The following RBM47 variants were observed in gnomAD, a reference collection of about 807,000 sequenced individuals.
The protein encoded by RBM47 is RNA binding motif protein 47, also known as RNA-binding protein 47.
Under a neutral mutation model 47.1 loss-of-function variants are expected in RBM47, and 21 were observed. The ratio of observed to expected loss-of-function variants is 0.45; its 90% confidence interval spans 0.32 to 0.64. The LOEUF (loss-of-function observed/expected upper bound fraction) is 0.64, where lower values mean the gene tolerates loss of function less well. Ranked by LOEUF, RBM47 falls within the 30% of genes least tolerant of loss-of-function variation. RBM47 has a pLI of 0.05. For synonymous variants in RBM47, 375 were observed against 361.7 expected, an observed-to-expected ratio of 1.04 and a Z score of -0.42; for missense variants, 708 against 870.9, an observed-to-expected ratio of 0.81 and a Z score of 2.35.
At chr4:40,482,446 G>A (rs1273360227) in intron 2 of RBM47, among the ~76,000 whole-genome samples, 1 of 151,884 alleles carries the variant, frequency 6.6e-6, no homozygotes, top group East Asian at 1.9e-4. Context: ...TAGAGGTGGG[G>A]TTTCACCATG....
At chr4:40,554,434 TG>T (rs1729880983) in intron 1 of RBM47, among the ~76,000 whole-genome samples, 1 of 147,736 alleles carries the variant, frequency 6.8e-6, no homozygotes, top group African/African-American at 2.5e-5. Flanking sequence ...AGACAAAAGC[TG>T]GTGGGCTGGC....
intron 1 of RBM47, among the ~76,000 whole-genome samples, chr4:40,596,032 C>G (rs1734726284): frequency 6.6e-6 from 1 of 152,178 alleles, no homozygotes; most frequent in South Asian, 2.1e-4. Context: ...AGCTAGCATT[C>G]TAAGCCACAG....
chr4:40,504,768 C>T (rs1435322228), intron 2 of RBM47, among the ~76,000 whole-genome samples: 1 of 152,174 alleles, frequency 6.6e-6, no homozygotes, highest in Non-Finnish European at 1.5e-5. Context: ...GAAAGTCCCA[C>T]CCACCAAAAA....
chr4:40,577,717 G>A (rs1732476988), intron 1 of RBM47, among the ~76,000 whole-genome samples: 1 of 149,798 alleles, frequency 6.7e-6, no homozygotes, highest in Non-Finnish European at 1.5e-5. Flanking sequence ...GAAACCCAAA[G>A]CCCCAAATCT....
At chr4:40,597,961 C>A (rs1253082912) in intron 1 of RBM47, among the ~76,000 whole-genome samples, 2 of 152,312 alleles carry the variant, frequency 1.3e-5, no homozygotes, top group East Asian at 3.9e-4. Context: ...AAAACAAGAT[C>A]TTTTGGTCAA....
At chr4:40,608,152 G>A (rs572780484) in intron 1 of RBM47, among the ~76,000 whole-genome samples, 2 of 152,102 alleles carry the variant, frequency 1.3e-5, no homozygotes, top group African/African-American at 2.4e-5. Flanking sequence ...TTCGCAGTAC[G>A]CTAATTATAT....
At chr4:40,596,395 C>CT (rs1195005892) in intron 1 of RBM47, among the ~76,000 whole-genome samples, 1 of 152,056 alleles carries the variant, frequency 6.6e-6, no homozygotes, top group Non-Finnish European at 1.5e-5. Flanking sequence ...GCACATGTAC[C>CT]TATATATTGC....
intron 3 of RBM47, among the ~76,000 whole-genome samples, chr4:40,444,155 C>T (rs543591257): frequency 6.6e-5 from 10 of 152,208 alleles, no homozygotes; most frequent in Admixed American, 2.0e-4. Flanking sequence ...GCTGTGACTG[C>T]GCCACTGCAC....
chr4:40,572,343 G>C (rs1254103680), intron 1 of RBM47, among the ~76,000 whole-genome samples: 1 of 150,532 alleles, frequency 6.6e-6, no homozygotes, highest in African/African-American at 2.4e-5. Context: ...CTCCAGCCTG[G>C]GTGACAGAGC....
chr4:40,505,658 C>T (rs1217229599), intron 2 of RBM47, among the ~76,000 whole-genome samples: 1 of 151,404 alleles, frequency 6.6e-6, no homozygotes, highest in East Asian at 1.9e-4. Flanking sequence ...GAGGCCGAGG[C>T]GGGTAGATCA....
At chr4:40,574,561 G>A (rs1028766452) in intron 1 of RBM47, among the ~76,000 whole-genome samples, 2 of 152,202 alleles carry the variant, frequency 1.3e-5, no homozygotes, top group African/African-American at 2.4e-5. Context: ...TCAAAGTATT[G>A]GAAATGGGCT....
At chr4:40,533,157 G>A (rs1029176496) in intron 2 of RBM47, among the ~76,000 whole-genome samples, 6 of 152,174 alleles carry the variant, frequency 3.9e-5, no homozygotes, top group African/African-American at 1.4e-4. Context: ...TCTGAGGCCA[G>A]ATGCAGTGGC....
chr4:40,508,689 G>C (rs58377959), intron 2 of RBM47, among the ~76,000 whole-genome samples: 4,920 of 152,190 alleles, frequency 0.032, 238 homozygotes, highest in African/African-American at 0.1. Context: ...GGTTACCTTG[G>C]GTTGAGGGGA....
At chr4:40,620,220 A>AC (rs1737138324) in intron 1 of RBM47, among the ~76,000 whole-genome samples, 1 of 140,324 alleles carries the variant, frequency 7.1e-6, no homozygotes, top group Non-Finnish European at 1.5e-5. Context: ...AAAAAAAAAA[A>AC]CTCTGGGCCG....
At chr4:40,463,614 T>C (rs891220891) in intron 3 of RBM47, among the ~76,000 whole-genome samples, 3 of 152,042 alleles carry the variant, frequency 2.0e-5, no homozygotes, top group Non-Finnish European at 4.4e-5. Context: ...CATAGAGAGA[T>C]TGAGGTTGGT....
chr4:40,607,025 T>G (rs1373055671), intron 1 of RBM47, among the ~76,000 whole-genome samples: 3 of 152,110 alleles, frequency 2.0e-5, no homozygotes, highest in Admixed American at 6.6e-5. Flanking sequence ...AAATGATGTG[T>G]TTTATCTTCC....
At chr4:40,583,411 A>G (rs1733179807) in intron 1 of RBM47, among the ~76,000 whole-genome samples, 2 of 134,794 alleles carry the variant, frequency 1.5e-5, no homozygotes, top group African/African-American at 2.8e-5. Context: ...AAAAAAAAAA[A>G]AAAGGGAAAC....
intron 2 of RBM47, among the ~76,000 whole-genome samples, chr4:40,526,016 G>A (rs1163652349): frequency 6.6e-6 from 1 of 152,102 alleles, no homozygotes; most frequent in Non-Finnish European, 1.5e-5. Flanking sequence ...GCAACAAGAA[G>A]AAAAAGAAAA....
At chr4:40,450,239 A>C (rs1199967674) in intron 3 of RBM47, among the ~76,000 whole-genome samples, 2 of 152,200 alleles carry the variant, frequency 1.3e-5, no homozygotes, top group East Asian at 3.8e-4. Context: ...AGGAAGGAGA[A>C]GCCACAGTGG....
Sources: allele counts gnomAD v4.1 joint callset (sites outside exome capture counted in the v4.1 genomes callset), GRCh38; gene constraint gnomAD v4.1.1; transcripts MANE v1.5; gene names NCBI Gene and HGNC (gene_info 2026-07-23, HGNC 2026-07-21).